Variants in ZNF236 observed in about 807,000 individuals in gnomAD.
ZNF236 encodes regulated by glucose.
ZNF236 carries 50 observed loss-of-function variants against 191.2 expected under a neutral mutation model. The observed-to-expected ratio is 0.26, with a 90% CI of 0.21 to 0.33. The LOEUF is 0.33. ZNF236 is among the 10% of genes least tolerant of loss of function. The probability of loss-of-function intolerance (pLI) is 1.00; values close to 1 mark genes in which losing one functional copy is unlikely to be tolerated. For missense variants in ZNF236, 1,754 were observed against 2,374.5 expected, an observed-to-expected ratio of 0.74 and a Z score of 5.43; for synonymous variants, 907 against 928.8, an observed-to-expected ratio of 0.98 and a Z score of 0.43.
chr18:76,859,306 A>G (rs1449325342), intron 3 of ZNF236, among the ~76,000 whole-genome samples: 1 of 152,022 alleles, frequency 6.6e-6, no homozygotes, highest in Admixed American at 6.5e-5. Context: ...GTGGAAGTGG[A>G]GCAGCTCCTG....
At chr18:76,826,151 G>T (rs1975012042) in intron 1 of ZNF236, among the ~76,000 whole-genome samples, 1 of 151,904 alleles carries the variant, frequency 6.6e-6, no homozygotes, top group South Asian at 2.1e-4. Context: ...AGTCTCTATT[G>T]CCCAGGCTGG....
At chr18:76,851,255 AAAG>A (rs1262165997) in intron 2 of ZNF236, among the ~76,000 whole-genome samples, 1 of 149,792 alleles carries the variant, frequency 6.7e-6, no homozygotes, top group Non-Finnish European at 1.5e-5. Context: ...ACACATGGAG[AAAG>A]AAACCTTTTT....
Position 76,960,898 on chromosome 18 carries a change from G to C in ZNF236, c.5419+43G>C, listed in dbSNP as rs769629170. The stretch of plus-strand genomic sequence containing the variant: ...GGGAGTGCGTGCTGTTCGGTGGCCT[G>C]CGAGGCACCCTGTGTTTCGCATACA... On this transcript the variant is annotated intron_variant, in intron 30 of 30. Transcript: ENST00000320610. This position sits in a 1 kb window ranked among gnomAD's most constrained non-coding sequence, Gnocchi z 4.4. 4.5e-6 allele frequency: 7 copies of C among 1,563,964 alleles called. No individual in the cohort carries two copies. The highest frequency in any genetic ancestry group is 2.3e-5 in the East Asian group (1 of 43,828).
intron 25 of ZNF236, among the ~76,000 whole-genome samples, chr18:76,930,320 A>C (rs139232011): frequency 6.7e-4 from 102 of 152,290 alleles, no homozygotes; most frequent in Non-Finnish European, 1.3e-3. Context: ...TTGTCTTTTG[A>C]ATCTTTTTCT....
In ZNF236 at chr18:76,972,462, C is replaced by T. The variant is rs765805893; in HGVS notation, c.*4123C>T. Among the ~76,000 whole-genome samples, 2 of 152,030 alleles carry T rather than the reference C, an allele frequency of 1.3e-5. No individual in the cohort carries two copies. The highest frequency in any genetic ancestry group is 4.8e-5 in the African/African-American group (2 of 41,406). On this transcript the variant is annotated 3_prime_UTR_variant, in exon 31 of 31. Transcript: ENST00000320610. ...TCACCCACACACTCACCCTCACACT[C>T]ACCCACACACCCTCACACTCACCCT...
intron 21 of ZNF236, among the ~76,000 whole-genome samples, chr18:76,924,502 C>T (rs1193219307): frequency 6.6e-6 from 1 of 152,148 alleles, no homozygotes; most frequent in Admixed American, 6.5e-5. Flanking sequence ...TGTGCACCAT[C>T]CTGTAAAAAT....
rs535650991 is a variant in ZNF236 at position 76,852,066 on chromosome 18, G to A, written c.363+127G>A. On this transcript the variant is annotated intron_variant, in intron 3 of 30. Transcript: ENST00000320610. ...TTGTGTAGATTTCAAGGAGTGAATTGTCATTAGATTTGCCTTGACACCAGT... is the reference window on the plus strand; with the variant it reads ...TTGTGTAGATTTCAAGGAGTGAATTATCATTAGATTTGCCTTGACACCAGT... The A allele has an allele frequency of 3.4e-5, 34 of 989,604 alleles. 1 individual carries two copies. The South Asian group carries it at 6.2e-4, about 18-fold the overall frequency. 61.3% of individuals were successfully genotyped at this position (989,604 alleles called of 1,614,324 possible).
intron 1 of ZNF236, among the ~76,000 whole-genome samples, chr18:76,836,297 T>G (rs1975323137): frequency 6.6e-6 from 1 of 151,942 alleles, no homozygotes; most frequent in Non-Finnish European, 1.5e-5. Context: ...CATAGCTCAC[T>G]GCAGCCCCAA....
intron 1 of ZNF236, among the ~76,000 whole-genome samples, chr18:76,846,950 AAGCC>A (rs1207866059): frequency 1.3e-5 from 2 of 151,984 alleles, no homozygotes; most frequent in Non-Finnish European, 2.9e-5. Flanking sequence ...GTGCGCCATC[AAGCC>A]CGGCTAATTT....
intron 1 of ZNF236, among the ~76,000 whole-genome samples, chr18:76,835,828 C>G (rs367994407): frequency 6.6e-6 from 1 of 152,118 alleles, no homozygotes; most frequent in South Asian, 2.1e-4. Context: ...TTATATTCCC[C>G]TTTCTTTCTT....
intron 17 of ZNF236, 135 bp from the exon 18 acceptor site, chr18:76,913,612 G>T: frequency 1.2e-6 from 1 of 858,488 alleles, no homozygotes. Context: ...AGCACACCTA[G>T]GTTCTATAAC....
intron 27 of ZNF236, among the ~76,000 whole-genome samples, chr18:76,950,778 C>T (rs969781114): frequency 6.6e-6 from 1 of 152,226 alleles, no homozygotes; most frequent in Non-Finnish European, 1.5e-5. Context: ...TTTCACTTTA[C>T]TTTGCCCAGA....
chr18:76,924,729 C>G (rs1297875682), intron 21 of ZNF236, among the ~76,000 whole-genome samples: 1 of 152,172 alleles, frequency 6.6e-6, no homozygotes, highest in Admixed American at 6.5e-5. Flanking sequence ...GCATATTCTC[C>G]CAGTGTGATG....
At chr18:76,824,962 A>T (rs1974975374) in intron 1 of ZNF236, among the ~76,000 whole-genome samples, 1 of 152,220 alleles carries the variant, frequency 6.6e-6, no homozygotes, top group South Asian at 2.1e-4. Flanking sequence ...TGTTAAATGT[A>T]AATCAGATGG....
intron 1 of ZNF236, among the ~76,000 whole-genome samples, chr18:76,823,339 C>G (rs903315865): frequency 6.7e-6 from 1 of 150,366 alleles, no homozygotes; most frequent in African/African-American, 2.5e-5. Context: ...CCCTGAGCCT[C>G]TGCAGACGCT....
At chr18:76,890,216 G>A (rs748247529) in intron 9 of ZNF236, among the ~76,000 whole-genome samples, 37 of 152,176 alleles carry the variant, frequency 2.4e-4, no homozygotes, top group African/African-American at 8.2e-4. Flanking sequence ...ATTTGATTTC[G>A]CTGTTTAGCT....
At chr18:76,955,372 G>A (rs753384063) in intron 27 of ZNF236, among the ~76,000 whole-genome samples, 4 of 152,172 alleles carry the variant, frequency 2.6e-5, no homozygotes, top group East Asian at 1.9e-4. Context: ...AGCTGCGATT[G>A]TGCCACTGAA....
chr18:76,838,743 A>G (rs751446007), intron 1 of ZNF236, among the ~76,000 whole-genome samples: 2 of 152,238 alleles, frequency 1.3e-5, no homozygotes, highest in Non-Finnish European at 1.5e-5. Context: ...CTATATTGAT[A>G]TATAACACAC....
Position 76,854,913 on chromosome 18 carries a change from G to T in ZNF236, c.363+2974G>T, listed in dbSNP as rs562078717. Among the ~76,000 whole-genome samples the T allele has an allele frequency of 2.0e-5, 3 of 152,054 alleles. 1 individual carries two copies. The highest frequency in any genetic ancestry group is 4.4e-5 in the Non-Finnish European group (3 of 68,008). On this transcript the variant is annotated intron_variant, in intron 3 of 30. Coordinates refer to ENST00000320610, the MANE Select transcript of ZNF236 (RefSeq NM_001306089.2). ...ATAGTGCTATTCAAAAATGGCTATA[G>T]TTATATTTATATTTTTATTTATTTT... is the stretch of plus-strand genomic sequence containing the variant.
Sources: gnomAD v4.1 joint callset for allele counts (sites outside exome capture counted in the v4.1 genomes callset) on GRCh38, gnomAD v4.1.1 for gene constraint, Gnocchi (gnomAD v3.1) non-coding constraint, MANE v1.5 for transcripts, NCBI Gene and HGNC (gene_info 2026-07-23, HGNC 2026-07-21) for gene names.